Variants in ATP2B2 observed in about 807,000 individuals in gnomAD.
ATP2B2 encodes plasma membrane calcium-transporting ATPase 2.
Under a neutral mutation model 120.0 loss-of-function variants are expected in ATP2B2, and 15 were observed. That is an observed-to-expected ratio of 0.12 (90% CI 0.08 to 0.19). ATP2B2 has a LOEUF of 0.19. Among genes scored for constraint, ATP2B2 ranks in the 10% least tolerant of loss-of-function variants. ATP2B2 has a pLI of 1.00. For missense variants in ATP2B2, 1,045 were observed against 1,719.8 expected, an observed-to-expected ratio of 0.61 and a Z score of 6.94; for synonymous variants, 694 against 700.3, an observed-to-expected ratio of 0.99 and a Z score of 0.14.
chr3:10,479,783 C>A (rs2065338121), intron 1 of ATP2B2, among the ~76,000 whole-genome samples: 1 of 152,082 alleles, frequency 6.6e-6, no homozygotes, highest in African/African-American at 2.4e-5. Flanking sequence ...GGAGGAAAGG[C>A]TAATTTGCAT....
At chr3:10,425,166 T>G (rs1049292728) in intron 2 of ATP2B2, among the ~76,000 whole-genome samples, 2 of 151,758 alleles carry the variant, frequency 1.3e-5, no homozygotes, top group African/African-American at 4.8e-5. Flanking sequence ...ATAAATTAGC[T>G]GGGCGTGGTT....
intron 1 of ATP2B2, among the ~76,000 whole-genome samples, chr3:10,677,952 G>A (rs1014812456): frequency 4.6e-5 from 7 of 152,144 alleles, no homozygotes; most frequent in African/African-American, 1.4e-4. Flanking sequence ...TAGGAAGCAG[G>A]TATTGTGGAC....
chr3:10,495,663 C>T (rs1253675878), intron 1 of ATP2B2, among the ~76,000 whole-genome samples: 3 of 152,180 alleles, frequency 2.0e-5, no homozygotes. Context: ...TCTGAGAGGG[C>T]AGAGAAGTGC....
At chr3:10,563,916 C>A (rs904530470) in intron 2 of ATP2B2, among the ~76,000 whole-genome samples, 4 of 152,188 alleles carry the variant, frequency 2.6e-5, no homozygotes, top group Non-Finnish European at 4.4e-5. Context: ...CACAGTGGAG[C>A]CAGGTTTAGA....
intron 2 of ATP2B2, among the ~76,000 whole-genome samples, chr3:10,595,512 C>G (rs1007649932): frequency 2.0e-5 from 3 of 152,164 alleles, no homozygotes; most frequent in Non-Finnish European, 4.4e-5. Context: ...ATTACCCTCA[C>G]GGTGCAGATA....
In ATP2B2 at chr3:10,663,389, A is replaced by G. The variant is rs75122601; in HGVS notation, c.-459-43428T>C. 8.5e-5 allele frequency among the ~76,000 whole-genome samples: 13 copies of G among 152,258 alleles called. No homozygotes were observed. The East Asian group carries it at 2.3e-3, about 27-fold the overall frequency. On this transcript the variant is annotated intron_variant, in intron 1 of 21. Transcript: ENST00000646379. ...GGGGACACCAGCCAGGGACAGGGGA[A>G]AAACAGGCCCTGGGAGAAGAATGAA...
intron 3 of ATP2B2, among the ~76,000 whole-genome samples, chr3:10,405,956 T>C (rs1171597861): frequency 2.0e-4 from 30 of 152,212 alleles, no homozygotes; most frequent in Admixed American, 2.0e-3. Flanking sequence ...ATGAACATGC[T>C]GTGTGACCTA....
At chr3:10,666,828 G>A (rs2070951394) in intron 1 of ATP2B2, among the ~76,000 whole-genome samples, 1 of 152,220 alleles carries the variant, frequency 6.6e-6, no homozygotes. Flanking sequence ...TGCAGAGCCT[G>A]GGTAGTGACG....
intron 2 of ATP2B2, among the ~76,000 whole-genome samples, chr3:10,549,561 C>T (rs2067623884): frequency 6.6e-6 from 1 of 152,234 alleles, no homozygotes; most frequent in Non-Finnish European, 1.5e-5. Context: ...ACTAGCATGT[C>T]CTATCACTTA....
chr3:10,568,555 C>G (rs1187468191), intron 2 of ATP2B2, among the ~76,000 whole-genome samples: 1 of 152,220 alleles, frequency 6.6e-6, no homozygotes, highest in Non-Finnish European at 1.5e-5. Flanking sequence ...CACTTCAGTT[C>G]TGGCTGTTGA....
chr3:10,530,069 T>A (rs534340882), intron 3 of ATP2B2, among the ~76,000 whole-genome samples: 1 of 152,214 alleles, frequency 6.6e-6, no homozygotes, highest in African/African-American at 2.4e-5. Context: ...TTTGTGGTCA[T>A]GTGTCACGGC....
At chr3:10,479,859 G>A (rs955638094) in intron 1 of ATP2B2, among the ~76,000 whole-genome samples, 1 of 152,196 alleles carries the variant, frequency 6.6e-6, no homozygotes, top group African/African-American at 2.4e-5. Context: ...ACTTTAGGAG[G>A]CCAAGGTGAT....
intron 1 of ATP2B2, among the ~76,000 whole-genome samples, chr3:10,674,985 C>A (rs1348590993): frequency 6.6e-6 from 1 of 152,192 alleles, no homozygotes; most frequent in African/African-American, 2.4e-5. Context: ...CAATTTAGAA[C>A]GGTCCAGGCT....
At chr3:10,470,918 A>G (rs940382234) in intron 1 of ATP2B2, among the ~76,000 whole-genome samples, 13 of 152,116 alleles carry the variant, frequency 8.5e-5, no homozygotes, top group African/African-American at 2.2e-4. Context: ...CACATCGGAT[A>G]CTGACCTGGG....
Position 10,522,855 on chromosome 3 carries a change from T to G in ATP2B2, c.-320+11184A>C, listed in dbSNP as rs116094117. On this transcript the variant is annotated intron_variant, in intron 3 of 21. Transcript: ENST00000646379. ...CCTGGGGGTGACCTTGGATGCCTCA[T>G]GTTTTCTCCCAGAGCCTGAGGTTCT... Among the ~76,000 whole-genome samples the G allele has an allele frequency of 5.1e-3, 779 of 152,334 alleles. 5 individuals carry two copies. The highest frequency in any genetic ancestry group is 0.018 in the African/African-American group (732 of 41,562).
rs1200733298 is a variant in ATP2B2, at chr3:10,325,147, G to A, written c.*3667C>T. The A allele has an allele frequency of 1.3e-5, 2 of 152,122 alleles. No homozygotes were observed. The highest frequency in any genetic ancestry group is 2.4e-5 in the African/African-American group (1 of 41,456). The allele number at this position is 152,122 out of a possible 1,614,324, so 9.4% of individuals were successfully genotyped here. A position where few individuals can be genotyped will look rare whatever the true frequency, so the allele number is the denominator to read the frequency against. ...CATAGTCTATTTCACAGCCCTGAGT[G>A]GACAGTAATTACAATGGGGGGAAGA... On this transcript the variant is annotated 3_prime_UTR_variant, in exon 23 of 23. Coordinates refer to ENST00000360273, the MANE Select transcript of ATP2B2 (RefSeq NM_001001331.4).
chr3:10,568,753 T>C (rs756834051), intron 2 of ATP2B2, among the ~76,000 whole-genome samples: 1 of 152,190 alleles, frequency 6.6e-6, no homozygotes, highest in Non-Finnish European at 1.5e-5. Flanking sequence ...GGCTCAGCCA[T>C]TGGCTCCAGA....
chr3:10,690,688 C>A (rs2071642842), intron 1 of ATP2B2, among the ~76,000 whole-genome samples: 1 of 152,072 alleles, frequency 6.6e-6, no homozygotes, highest in African/African-American at 2.4e-5. Flanking sequence ...CAGGGTTTGT[C>A]CGAGTGCACC....
chr3:10,596,811 G>A (rs1441720285), intron 2 of ATP2B2, among the ~76,000 whole-genome samples: 1 of 152,226 alleles, frequency 6.6e-6, no homozygotes, highest in East Asian at 1.9e-4. Context: ...TCAGGGATGG[G>A]AGAAACACAC....
Sources: gnomAD v4.1 joint callset for allele counts (sites outside exome capture counted in the v4.1 genomes callset) on GRCh38, gnomAD v4.1.1 for gene constraint, MANE v1.5 for transcripts, NCBI Gene and HGNC (gene_info 2026-07-23, HGNC 2026-07-21) for gene names.